ZNF75D: variants seen among roughly 807,000 people sequenced by gnomAD.
The protein encoded by ZNF75D is zinc finger protein 75.
Under a neutral mutation model 33.3 loss-of-function variants are expected in ZNF75D, and 33 were observed. That is an observed-to-expected ratio of 0.99 (90% CI 0.75 to 1.32). The LOEUF (loss-of-function observed/expected upper bound fraction) is 1.32, where lower values mean the gene tolerates loss of function less well. ZNF75D is among the 40% of genes most tolerant of loss of function. The pLI is 0.00. For missense variants in ZNF75D, 338 were observed against 367.5 expected (o/e 0.92, Z 0.66); for synonymous variants, 113 against 130.6 (o/e 0.87, Z 0.92).
intron 1 of ZNF75D, among the ~76,000 whole-genome samples, chrX:135,271,833 A>T: frequency 8.9e-6 from 1 of 112,249 alleles, no homozygotes; most frequent in East Asian, 2.8e-4. Context: ...CTTAGGAGCA[A>T]AGTGAACCAG....
chrX:135,260,788 C>G lies in ZNF75D; in HGVS notation n.828-5011G>C, dbSNP rs377306485. ...GATTTTTTTGAAGGGTTTTTTGTGT[C>G]TCTATCTCCTTCAGTTCTGCTCTGA... On this transcript the variant is annotated intron_variant and non_coding_transcript_variant, in intron 1 of 3. Transcript: ENST00000494295. 3.2e-4 allele frequency among the ~76,000 whole-genome samples: 36 copies of G among 111,716 alleles called. 2 individuals carry two copies. Among genetic ancestry groups the G allele is most frequent in the East Asian group, 2.2e-3 (8 of 3,569 alleles).
chrX:135,266,518 A>G (rs2083863590), intron 1 of ZNF75D, among the ~76,000 whole-genome samples: 2 of 112,234 alleles, frequency 1.8e-5, no homozygotes, highest in Middle Eastern at 4.6e-3. Context: ...AAAACCCTAT[A>G]AAAAGAGACA....
chrX:135,293,549 G>T (rs1431039075), intron 3 of ZNF75D, among the ~76,000 whole-genome samples, 181 bp downstream of exon 3: 2 of 112,463 alleles, frequency 1.8e-5, no homozygotes, highest in African/African-American at 6.5e-5. Flanking sequence ...GAAAGGCTCT[G>T]CCAGAAATCT....
In ZNF75D at chrX:135,258,404, T is replaced by C. The variant is rs782542446; in HGVS notation, n.828-2627A>G. Among the ~76,000 whole-genome samples, 12 of 110,941 alleles carry C rather than the reference T, an allele frequency of 1.1e-4. No homozygotes were observed. In the South Asian group the frequency reaches 4.6e-3, roughly 43 times the overall value. On this transcript the variant is annotated intron_variant and non_coding_transcript_variant, in intron 1 of 3. Coordinates refer to the ZNF75D transcript ENST00000494295. Reference sequence around the variant, plus strand: ...CCACAATGGTTGAACCAATTTACACTCCCATCAACGTGTAAAAGTGTTCCT... The same window carrying C: ...CCACAATGGTTGAACCAATTTACACCCCCATCAACGTGTAAAAGTGTTCCT...
intron 1 of ZNF75D, among the ~76,000 whole-genome samples, chrX:135,300,598 T>A (rs2084202026): frequency 9.1e-6 from 1 of 110,419 alleles, no homozygotes; most frequent in African/African-American, 3.3e-5. Context: ...ATACAAAAAA[T>A]TAGCTGGGTG....
At chrX:135,331,949 G>A (rs73557220) in intron 1 of ZNF75D, among the ~76,000 whole-genome samples, 6,166 of 111,724 alleles carry the variant, frequency 0.055, 340 homozygotes, top group African/African-American at 0.16. Context: ...GCAGCTGGCT[G>A]TAGGATGAAA....
intron 1 of ZNF75D, among the ~76,000 whole-genome samples, chrX:135,256,426 T>G (rs976334497): frequency 2.0e-4 from 22 of 110,760 alleles, no homozygotes; most frequent in South Asian, 3.9e-4. Flanking sequence ...GGTGTGTGTG[T>G]GGGGGGGTGC....
chrX:135,257,257 G>C (rs149821460), intron 1 of ZNF75D, among the ~76,000 whole-genome samples: 2,311 of 111,603 alleles, frequency 0.021, 36 homozygotes, highest in Admixed American at 0.036. Flanking sequence ...TAGCATTTCT[G>C]GACCCGCCCT....
chrX:135,261,326 A>T (rs1458661518), intron 1 of ZNF75D, among the ~76,000 whole-genome samples: 2 of 112,169 alleles, frequency 1.8e-5, no homozygotes, highest in African/African-American at 6.5e-5. Context: ...CTTGTTGCAG[A>T]GCTGAGTTCA....
intron 1 of ZNF75D, among the ~76,000 whole-genome samples, chrX:135,306,251 A>G (rs1721314425): frequency 9.4e-6 from 1 of 106,576 alleles, no homozygotes; most frequent in African/African-American, 3.4e-5. Flanking sequence ...CCACAGATCC[A>G]CAGATGGCTT....
In ZNF75D at chrX:135,259,743, G is replaced by A. The variant is rs1049137221; in HGVS notation, n.828-3966C>T. 8.1e-5 allele frequency among the ~76,000 whole-genome samples: 9 copies of A among 111,679 alleles called. No homozygotes were observed. The South Asian group carries it at 2.3e-3, about 28-fold the overall frequency. On this transcript the variant is annotated intron_variant and non_coding_transcript_variant, in intron 1 of 3. Coordinates refer to the ZNF75D transcript ENST00000494295. ...ATACAATCATGTCATCTGCAAACAG[G>A]GACAATTTGACTTCCTCATTTCCTA...
chrX:135,337,799 C>T (rs2084733016), intron 1 of ZNF75D, among the ~76,000 whole-genome samples: 3 of 111,319 alleles, frequency 2.7e-5, no homozygotes, highest in African/African-American at 6.5e-5. Flanking sequence ...GAGATGTTCC[C>T]TTATGTCATT....
intron 1 of ZNF75D, among the ~76,000 whole-genome samples, chrX:135,303,553 T>C (rs2084247760): frequency 1.8e-5 from 2 of 112,285 alleles, no homozygotes; most frequent in Admixed American, 1.9e-4. Context: ...CAGCACATGT[T>C]TCAGGGAGCA....
At chrX:135,310,691 C>T (rs1569492729) in intron 1 of ZNF75D, among the ~76,000 whole-genome samples, 1 of 111,447 alleles carries the variant, frequency 9.0e-6, no homozygotes, top group Non-Finnish European at 1.9e-5. Flanking sequence ...CCTGTGTCCC[C>T]TCCCCCACCT....
chrX:135,314,760 G>A lies in ZNF75D; in HGVS notation c.-390-18721C>T, dbSNP rs1556430494. 3.6e-5 allele frequency among the ~76,000 whole-genome samples: 4 copies of A among 111,763 alleles called. No individual in the cohort carries two copies. The South Asian group carries it at 1.5e-3, about 42-fold the overall frequency. On this transcript the variant is annotated intron_variant, in intron 1 of 6. Coordinates refer to ENST00000370766, the MANE Select transcript of ZNF75D (RefSeq NM_007131.5). ...TCCCTCTAGGTTTTCCCGTTTATGA[G>A]CATATAGGTGTTCATAATACTATGA...
rs140978981 is a variant in ZNF75D at position 135,337,788 on chromosome X, C to T, written c.-391+3980G>A. ...GCTAAGAAGAAGTGGCATTCACTAC[C>T]GAGATGTTCCCTTATGTCATTGGAA... On this transcript the variant is annotated intron_variant, in intron 1 of 6. Coordinates refer to ENST00000370766, the MANE Select transcript of ZNF75D (RefSeq NM_007131.5). Among the ~76,000 whole-genome samples, 445 of 111,190 alleles carry T rather than the reference C, an allele frequency of 4.0e-3. 2 individuals are homozygous for T. Among genetic ancestry groups the T allele is most frequent in the African/African-American group, 0.011 (340 of 30,514 alleles).
At chrX:135,273,224 C>G (rs1556417183) in intron 1 of ZNF75D, among the ~76,000 whole-genome samples, 1 of 111,345 alleles carries the variant, frequency 9.0e-6, no homozygotes, top group African/African-American at 3.3e-5. Context: ...TGGGCAGCGC[C>G]TAAACATGGA....
chrX:135,288,191 G>A (rs944584638), intron 6 of ZNF75D, among the ~76,000 whole-genome samples: 7 of 112,300 alleles, frequency 6.2e-5, no homozygotes, highest in African/African-American at 2.3e-4. Flanking sequence ...TGCCTGGGTA[G>A]GCTTATTGTT....
intron 1 of ZNF75D, among the ~76,000 whole-genome samples, chrX:135,310,154 T>C (rs1489894651): frequency 8.9e-6 from 1 of 112,089 alleles, no homozygotes; most frequent in Admixed American, 9.5e-5. Flanking sequence ...AGATGTCATG[T>C]CCACAGAGCC....
Sources: allele counts gnomAD v4.1 joint callset (sites outside exome capture counted in the v4.1 genomes callset), GRCh38; gene constraint gnomAD v4.1.1; transcripts MANE v1.5; gene names NCBI Gene and HGNC (gene_info 2026-07-23, HGNC 2026-07-21).